IQCH: variants seen among roughly 807,000 people sequenced by gnomAD.
IQCH encodes the protein IQ domain-containing protein H.
A neutral mutation model predicts 117.0 loss-of-function variants in IQCH; 98 were observed. That is an observed-to-expected ratio of 0.84 (90% confidence interval 0.71 to 0.99). The LOEUF (loss-of-function observed/expected upper bound fraction) is 0.99. Ranked by LOEUF, IQCH falls within the 50% of genes least tolerant of loss-of-function variation. The pLI is 0.00. For missense variants in IQCH, 1,102 were observed against 1,243.8 expected, an observed-to-expected ratio of 0.89 and a Z score of 1.72; for synonymous variants, 412 against 448.2, an observed-to-expected ratio of 0.92 and a Z score of 1.02.
At chr15:67,468,938 C>T (rs1006093827) in intron 17 of IQCH, among the ~76,000 whole-genome samples, 12 of 152,270 alleles carry the variant, frequency 7.9e-5, no homozygotes, top group African/African-American at 2.6e-4. Flanking sequence ...GGCGAAAATA[C>T]AATATGTTCC....
rs1010898596 is a variant in IQCH, at chr15:67,404,216, T to C, written c.2097+3911T>C. On this transcript the variant is annotated intron_variant, in intron 14 of 20. Coordinates refer to ENST00000335894, the MANE Select transcript of IQCH (RefSeq NM_001031715.3). The surrounding 1 kb of genome is among the most constrained non-coding windows in gnomAD (Gnocchi z 4.6). ...GATCACAAAGGTAGGAGAAGAACTA[T>C]GCCTGGAAAAGGTAGAATAAACCAC... 5 of 152,240 alleles carry C rather than the reference T, an allele frequency of 3.3e-5. No individual in the cohort carries two copies. Among genetic ancestry groups the C allele is most frequent in the African/African-American group, 1.2e-4 (5 of 41,462 alleles). 9.4% of individuals were successfully genotyped at this position (152,240 alleles called of 1,614,324 possible).
At chr15:67,301,417 T>C (rs1035237055) in intron 4 of IQCH, among the ~76,000 whole-genome samples, 1 of 129,868 alleles carries the variant, frequency 7.7e-6, no homozygotes, top group Non-Finnish European at 1.7e-5. Context: ...TTTTTTTTTT[T>C]TTTTTTTTTT....
At chr15:67,274,209 T>C (rs889794136) in intron 3 of IQCH, among the ~76,000 whole-genome samples, 10 of 152,356 alleles carry the variant, frequency 6.6e-5, no homozygotes, top group African/African-American at 2.2e-4. Flanking sequence ...TCTGTCTTTC[T>C]AAAGTTTTCA....
chr15:67,412,108 A>G (rs1260397716), intron 14 of IQCH, among the ~76,000 whole-genome samples: 1 of 152,238 alleles, frequency 6.6e-6, no homozygotes, highest in African/African-American at 2.4e-5. Context: ...TATCAGCCCC[A>G]CAAAGCTAGC....
intron 4 of IQCH, among the ~76,000 whole-genome samples, chr15:67,321,473 CCTTTCTTT>C (rs71455544): frequency 0.015 from 2,313 of 150,002 alleles, 29 homozygotes; most frequent in Middle Eastern, 0.038. Context: ...TTCCTTCCTT[CCTTTCTTT>C]CTTTCTTTTT....
chr15:67,326,376 T>A (rs1968408805), intron 4 of IQCH, among the ~76,000 whole-genome samples: 1 of 152,238 alleles, frequency 6.6e-6, no homozygotes, highest in Non-Finnish European at 1.5e-5. Flanking sequence ...TTGATGGACA[T>A]TTGGGTTGGT....
chr15:67,293,290 G>A (rs1966813625), intron 4 of IQCH, among the ~76,000 whole-genome samples: 1 of 152,112 alleles, frequency 6.6e-6, no homozygotes, highest in African/African-American at 2.4e-5. Flanking sequence ...AGGCTGAGTA[G>A]TCATTAGGAA....
chr15:67,288,943 G>T (rs1966662380), intron 4 of IQCH, among the ~76,000 whole-genome samples: 1 of 152,078 alleles, frequency 6.6e-6, no homozygotes, highest in Non-Finnish European at 1.5e-5. Context: ...ATGATGCCTG[G>T]GCTGAGTCTC....
In IQCH at chr15:67,308,000, C is replaced by T. The variant is rs990921888; in HGVS notation, c.387+28488C>T. 2.6e-5 allele frequency among the ~76,000 whole-genome samples: 4 copies of T among 152,156 alleles called. No individual in the cohort carries two copies. The East Asian group carries it at 5.8e-4, about 22-fold the overall frequency. On this transcript the variant is annotated intron_variant, in intron 4 of 20. Coordinates refer to ENST00000335894, the MANE Select transcript of IQCH (RefSeq NM_001031715.3). ...TGAGGCAGACAAAGCTGCTTCTGTA[C>T]GTATCAGCATTCCTTGACAAAACTC... is the stretch of plus-strand genomic sequence containing the variant.
Position 67,390,461 on chromosome 15 carries a change from C to T in IQCH, c.1632+1455C>T, listed in dbSNP as rs1358917131. 6.6e-6 allele frequency among the ~76,000 whole-genome samples: 1 copy of T among 152,028 alleles called. No homozygotes were observed. The highest frequency in any genetic ancestry group is 1.5e-5 in the Non-Finnish European group (1 of 67,970). ...GGGAGAAAAAAAGTGAGAAAACTAACATTTTTCAAATTCTTAGCATACAGT... is the reference window on the plus strand; with the variant it reads ...GGGAGAAAAAAAGTGAGAAAACTAATATTTTTCAAATTCTTAGCATACAGT... On this transcript the variant is annotated intron_variant, in intron 12 of 20. Coordinates refer to ENST00000335894, the MANE Select transcript of IQCH (RefSeq NM_001031715.3). The surrounding 1 kb of genome is among the most constrained non-coding windows in gnomAD (Gnocchi z 5.0).
At chr15:67,377,032 G>A (rs535880680) in intron 10 of IQCH, among the ~76,000 whole-genome samples, 13 of 150,766 alleles carry the variant, frequency 8.6e-5, no homozygotes, top group South Asian at 2.1e-4. Context: ...CAGGAGAATC[G>A]CTTGAACCTG....
intron 10 of IQCH, among the ~76,000 whole-genome samples, chr15:67,375,200 G>C (rs1487170297): frequency 6.6e-6 from 1 of 152,216 alleles, no homozygotes; most frequent in African/African-American, 2.4e-5. Context: ...CCAGCACTTT[G>C]GGAGGATTGC....
intron 16 of IQCH, among the ~76,000 whole-genome samples, chr15:67,434,998 A>T (rs200309178): frequency 2.4e-5 from 3 of 127,148 alleles, no homozygotes; most frequent in Non-Finnish European, 3.4e-5. Context: ...TTTTTTTTTT[A>T]ATTTTTTTTA....
Position 67,400,721 on chromosome 15 carries a change from A to T in IQCH, c.2097+416A>T, listed in dbSNP as rs1971627647. 2.7e-5 allele frequency among the ~76,000 whole-genome samples: 4 copies of T among 150,714 alleles called. No individual in the cohort carries two copies. The South Asian group carries it at 8.4e-4, about 32-fold the overall frequency. ...CTTATGTTGCTCAGGCTGGTCTCGA[A>T]CTCCTGAGCTCAAACGATACACCCA... is the stretch of plus-strand genomic sequence containing the variant. On this transcript the variant is annotated intron_variant, in intron 14 of 20. Transcript: ENST00000335894.
intron 4 of IQCH, among the ~76,000 whole-genome samples, chr15:67,324,220 C>T (rs1968288828): frequency 6.6e-6 from 1 of 151,496 alleles, no homozygotes; most frequent in South Asian, 2.1e-4. Flanking sequence ...GCTGGGATTA[C>T]AGGCGTGAGC....
chr15:67,464,978 C>G, intron 16 of IQCH, 149 bp from the exon 17 acceptor site: 2 of 655,608 alleles, frequency 3.1e-6, no homozygotes, highest in Non-Finnish European at 5.2e-6. Context: ...GAACAATGTA[C>G]AAACAGAAGG....
At position 67,490,018 on chromosome 15, in the gene IQCH, GT is replaced by G. The variant is rs1355941089; in HGVS notation, c.2820del (p.Phe940LeufsTer7). On this transcript the variant is annotated frameshift_variant, in exon 19 of 21. Coordinates refer to ENST00000335894, the MANE Select transcript of IQCH (RefSeq NM_001031715.3). LOFTEE classifies it high-confidence loss of function. This position sits in a 1 kb window ranked among gnomAD's most constrained non-coding sequence, Gnocchi z 4.9. ...AATTTTACAGGAAAGGCAAGGAACT[GT>G]TTTTATATTATATGAGCACCTGAAG... ...GYDVEERQGT[V>X]FILYEHLKRH... 6.2e-7 allele frequency: 1 copy of G among 1,610,470 alleles called. No homozygotes were observed. Among genetic ancestry groups the G allele is most frequent in the Non-Finnish European group, 8.5e-7 (1 of 1,176,992 alleles).
chr15:67,324,125 G>A (rs1262883249), intron 4 of IQCH, among the ~76,000 whole-genome samples: 1 of 151,344 alleles, frequency 6.6e-6, no homozygotes, highest in Non-Finnish European at 1.5e-5. Context: ...TGTATTTTTA[G>A]TAGAGATGGG....
chr15:67,341,117 C>T (rs1423641868), intron 5 of IQCH, among the ~76,000 whole-genome samples: 2 of 151,990 alleles, frequency 1.3e-5, no homozygotes, highest in African/African-American at 4.8e-5. Context: ...AAGGCTGAGG[C>T]GAGAGGATGG....
Sources: gnomAD v4.1 joint callset for allele counts (sites outside exome capture counted in the v4.1 genomes callset) on GRCh38, gnomAD v4.1.1 for gene constraint, Gnocchi (gnomAD v3.1) non-coding constraint, MANE v1.5 for transcripts, NCBI Gene and HGNC (gene_info 2026-07-23, HGNC 2026-07-21) for gene names.